The following BTBD3 variants were observed in gnomAD, a reference collection of about 807,000 sequenced individuals.
The protein encoded by BTBD3 is BTB domain containing 3.
In BTBD3, 14 loss-of-function variants were observed where a neutral mutation model predicts 41.6. The observed-to-expected ratio is 0.34, with a 90% CI of 0.22 to 0.53. The LOEUF is 0.53. BTBD3 is among the 20% of genes least tolerant of loss of function. The probability of loss-of-function intolerance (pLI) is 0.95; values close to 1 mark genes in which losing one functional copy is unlikely to be tolerated. For missense variants in BTBD3, 426 were observed against 654.7 expected, an observed-to-expected ratio of 0.65 and a Z score of 3.81; for synonymous variants, 249 against 233.7, an observed-to-expected ratio of 1.07 and a Z score of -0.60.
intron 1 of BTBD3, among the ~76,000 whole-genome samples, chr20:11,892,112 G>T (rs560246823): frequency 1.3e-5 from 2 of 152,288 alleles, no homozygotes; most frequent in East Asian, 3.9e-4. Context: ...CATTTTCCTA[G>T]ACAGGAACTC....
chr20:11,913,646 C>T (rs1004455677), upstream of BTBD3: 3 of 152,150 alleles, frequency 2.0e-5, no homozygotes, highest in African/African-American at 7.2e-5. Context: ...TTTTCACAAA[C>T]CCCTTATACT....
intron 1 of BTBD3, among the ~76,000 whole-genome samples, chr20:11,902,897 A>G (rs1301455901): frequency 1.3e-5 from 2 of 152,178 alleles, no homozygotes; most frequent in East Asian, 3.9e-4. Context: ...ATGAAATACA[A>G]AACTTAAAAA....
At chr20:11,909,641 G>C (rs1483767201) in intron 1 of BTBD3, 1 of 151,938 alleles carries the variant, frequency 6.6e-6, no homozygotes, top group Non-Finnish European at 1.5e-5. Flanking sequence ...ATTTCATTCT[G>C]GTCGCATACA....
chr20:11,899,191 T>A (rs544831151), intron 1 of BTBD3, among the ~76,000 whole-genome samples: 2 of 152,270 alleles, frequency 1.3e-5, no homozygotes, highest in South Asian at 4.1e-4. Context: ...AGGTTCTTGC[T>A]GAAATAACTT....
At chr20:11,899,414 T>A (rs1222511858) in intron 1 of BTBD3, among the ~76,000 whole-genome samples, 1 of 152,184 alleles carries the variant, frequency 6.6e-6, no homozygotes, top group African/African-American at 2.4e-5. Context: ...TTATATTAAA[T>A]AATTATTATG....
chr20:11,918,830 G>T, intron 1 of BTBD3: 1 of 575,690 alleles, frequency 1.7e-6, no homozygotes, highest in Non-Finnish European at 3.0e-6. Context: ...GTTGTCTATG[G>T]GCCATAGAAA....
At chr20:11,914,139 T>G (rs551753267), upstream of BTBD3, among the ~76,000 whole-genome samples, 4 of 152,258 alleles carry the variant, frequency 2.6e-5, no homozygotes, top group Non-Finnish European at 5.9e-5. Flanking sequence ...GGAAAGAAAT[T>G]TTAGGAGTAA....
chr20:11,901,504 T>G (rs1374372623), intron 1 of BTBD3, among the ~76,000 whole-genome samples: 1 of 152,234 alleles, frequency 6.6e-6, no homozygotes, highest in African/African-American at 2.4e-5. Flanking sequence ...CCAAGATGAT[T>G]TCAGCACCTA....
intron 1 of BTBD3, among the ~76,000 whole-genome samples, chr20:11,907,151 A>T (rs566200210): frequency 1.3e-5 from 2 of 152,220 alleles, no homozygotes; most frequent in African/African-American, 4.8e-5. Flanking sequence ...GAATATGTGT[A>T]TTACATTAAA....
At chr20:11,909,266 C>A (rs1306059926) in intron 1 of BTBD3, 2 of 109,544 alleles carry the variant, frequency 1.8e-5, no homozygotes, top group Non-Finnish European at 4.0e-5. Flanking sequence ...AAGGGCGAAA[C>A]CCCCTGTCAA....
At chr20:11,919,005 CTT>C in intron 1 of BTBD3, 79 bp from the exon 2 acceptor site, 1 of 1,054,810 alleles carries the variant, frequency 9.5e-7, no homozygotes, top group Non-Finnish European at 1.4e-6. Context: ...GCTTGCAAGT[CTT>C]TTGTGGGTTT....
At chr20:11,903,717 C>A (rs906056507) in intron 1 of BTBD3, among the ~76,000 whole-genome samples, 2 of 152,028 alleles carry the variant, frequency 1.3e-5, no homozygotes, top group Non-Finnish European at 2.9e-5. Flanking sequence ...AGTGATTCTT[C>A]TGCTTCAGCG....
chr20:11,899,873 A>G (rs34392835), intron 1 of BTBD3, among the ~76,000 whole-genome samples: 22,253 of 152,248 alleles, frequency 0.15, 1,918 homozygotes, highest in Non-Finnish European at 0.19. Flanking sequence ...GGTTTATGCA[A>G]CTGAAGAATA....
intron 1 of BTBD3, chr20:11,891,265 A>G (rs2122139256): frequency 6.7e-6 from 1 of 150,354 alleles, no homozygotes; most frequent in Non-Finnish European, 1.5e-5. Context: ...CAGCCGAAAG[A>G]CCGCGGGGAG....
In BTBD3 at chr20:11,926,410, C is replaced by T. The variant is rs6660; in HGVS notation, c.*2744C>T. The T allele has an allele frequency of 0.79, 120,102 of 152,634 alleles. 47,608 individuals carry two copies. The highest frequency in any genetic ancestry group is 0.83 in the Non-Finnish European group (56,693 of 68,016). 9.5% of individuals were successfully genotyped at this position (152,634 alleles called of 1,614,324 possible). ...GCTCAGCTAATTCAAGACACTGTAG[C>T]CACTTGTGCATCAGTGTGCTTGAAT... On this transcript the variant is annotated 3_prime_UTR_variant, in exon 4 of 4. Transcript: ENST00000378226.
At position 11,923,759 on chromosome 20, in the gene BTBD3, C is replaced by T; in HGVS notation, c.*93C>T. ...CTCATCTGCAAATATGTGATCAGTG[C>T]CGGTAATTTGTAATGAATGAAGCGG... On this transcript the variant is annotated 3_prime_UTR_variant, in exon 4 of 4. Transcript: ENST00000378226. This position sits in a 1 kb window ranked among gnomAD's most constrained non-coding sequence, Gnocchi z 5.3. 1.6e-6 allele frequency: 2 copies of T among 1,240,880 alleles called. No homozygotes were observed. Among genetic ancestry groups the T allele is most frequent in the Non-Finnish European group, 1.1e-6 (1 of 892,412 alleles). 76.9% of individuals were successfully genotyped at this position (1,240,880 alleles called of 1,614,324 possible).
chr20:11,913,054 C>A (rs1021974765), upstream of BTBD3, among the ~76,000 whole-genome samples: 1 of 152,170 alleles, frequency 6.6e-6, no homozygotes, highest in Non-Finnish European at 1.5e-5. Flanking sequence ...TCATAACTTA[C>A]CAGATTAAAC....
intron 1 of BTBD3, among the ~76,000 whole-genome samples, chr20:11,901,668 A>C (rs1396183368): frequency 6.6e-6 from 1 of 152,198 alleles, no homozygotes; most frequent in African/African-American, 2.4e-5. Flanking sequence ...GATCCCCCCA[A>C]AATGTCAGAA....
Position 11,899,376 on chromosome 20 carries a change from A to G in BTBD3, c.-126+8422A>G, listed in dbSNP as rs73264345. Among the ~76,000 whole-genome samples the G allele has an allele frequency of 4.8e-3, 736 of 152,182 alleles. 10 individuals carry two copies. Among genetic ancestry groups the G allele is most frequent in the African/African-American group, 0.017 (713 of 41,534 alleles). On this transcript the variant is annotated intron_variant, in intron 1 of 4. Coordinates refer to the BTBD3 transcript ENST00000254977. ...GTCATTTTATTTTATTGTTTTTAAA[A>G]TACCTGATTTTTATTTTTTCATATG...
Sources: allele counts gnomAD v4.1 joint callset (sites outside exome capture counted in the v4.1 genomes callset), GRCh38; gene constraint gnomAD v4.1.1; non-coding constraint Gnocchi (gnomAD v3.1); transcripts MANE v1.5; gene names NCBI Gene and HGNC (gene_info 2026-07-23, HGNC 2026-07-21).